The following PTPRM variants were observed in gnomAD, a reference collection of about 807,000 sequenced individuals.
PTPRM encodes protein tyrosine phosphatase receptor type M, also known as receptor-type tyrosine-protein phosphatase mu.
PTPRM carries 47 observed loss-of-function variants against 186.7 expected under a neutral mutation model. The ratio of observed to expected loss-of-function variants is 0.25; its 90% CI spans 0.20 to 0.32. PTPRM has a LOEUF of 0.32. Among genes scored for constraint, PTPRM ranks in the 10% least tolerant of loss-of-function variants. The probability of loss-of-function intolerance (pLI) is 1.00; values close to 1 mark genes in which losing one functional copy is unlikely to be tolerated. For synonymous variants in PTPRM, 668 were observed against 674.9 expected (o/e 0.99, Z 0.16); for missense variants, 1,494 against 1,865.0 (o/e 0.80, Z 3.66).
intron 20 of PTPRM, among the ~76,000 whole-genome samples, chr18:8,314,546 C>CGTCAATGA (rs1568729077): frequency 6.6e-6 from 1 of 152,060 alleles, no homozygotes; most frequent in Non-Finnish European, 1.5e-5. Flanking sequence ...GCTTTAGGCC[C>CGTCAATGA]GTCAATGATC....
intron 19 of PTPRM, among the ~76,000 whole-genome samples, chr18:8,294,657 T>G (rs56674649): frequency 0.038 from 5,806 of 152,274 alleles, 159 homozygotes; most frequent in East Asian, 0.067. Flanking sequence ...ATACAGCTGT[T>G]CATATATAGC....
At chr18:8,173,247 T>C (rs1446436056) in intron 14 of PTPRM, among the ~76,000 whole-genome samples, 1 of 152,184 alleles carries the variant, frequency 6.6e-6, no homozygotes, top group Non-Finnish European at 1.5e-5. Context: ...GTTGGAAGAA[T>C]TTGGCAAGAA....
intron 13 of PTPRM, among the ~76,000 whole-genome samples, chr18:8,136,082 A>G (rs1168337493): frequency 2.6e-4 from 40 of 152,212 alleles, no homozygotes; most frequent in Admixed American, 2.6e-3. Context: ...TTTGAGAGAC[A>G]GTAGGTTTCC....
At chr18:7,869,044 C>T (rs1265802295) in intron 2 of PTPRM, among the ~76,000 whole-genome samples, 1 of 152,166 alleles carries the variant, frequency 6.6e-6, no homozygotes, top group African/African-American at 2.4e-5. Flanking sequence ...AGACACCCCT[C>T]GCCCAGCAAG....
chr18:7,742,982 A>T lies in PTPRM; in HGVS notation c.74-31167A>T, dbSNP rs140171604. Among the ~76,000 whole-genome samples, 1,391 of 152,356 alleles carry T rather than the reference A, an allele frequency of 9.1e-3. 11 individuals carry two copies. Among genetic ancestry groups the T allele is most frequent in the Admixed American group, 0.02 (305 of 15,306 alleles). ...TGCTTTATCTGATTTAATTTTCATA[A>T]CAATGCTGTGAAAGAAGCAATCATA... On this transcript the variant is annotated intron_variant, in intron 1 of 32. Coordinates refer to ENST00000580170, the MANE Select transcript of PTPRM (RefSeq NM_001105244.2).
intron 1 of PTPRM, among the ~76,000 whole-genome samples, chr18:7,654,803 G>C (rs1333003993): frequency 2.0e-5 from 3 of 152,082 alleles, no homozygotes; most frequent in Non-Finnish European, 2.9e-5. Flanking sequence ...TGTTCCATTG[G>C]TATATGTGTC....
chr18:7,710,809 A>G (rs2040196368), intron 1 of PTPRM, among the ~76,000 whole-genome samples: 1 of 150,088 alleles, frequency 6.7e-6, no homozygotes, highest in Non-Finnish European at 1.5e-5. Flanking sequence ...GCTACCAATA[A>G]AGTAAAATAA....
intron 14 of PTPRM, among the ~76,000 whole-genome samples, chr18:8,187,360 A>G (rs944565950): frequency 2.0e-5 from 3 of 152,184 alleles, no homozygotes; most frequent in Non-Finnish European, 2.9e-5. Flanking sequence ...AATATGGTGC[A>G]TCTAGGGGCT....
At chr18:7,709,407 C>T (rs1042829434) in intron 1 of PTPRM, among the ~76,000 whole-genome samples, 33 of 152,046 alleles carry the variant, frequency 2.2e-4, no homozygotes, top group East Asian at 9.6e-4. Context: ...ACAGCAAAAG[C>T]GGTGCTAAGA....
chr18:7,983,885 A>G lies in PTPRM; in HGVS notation c.1132+28471A>G, dbSNP rs184277203. On this transcript the variant is annotated intron_variant, in intron 7 of 32. Transcript: ENST00000580170. Reference sequence around the variant, plus strand: ...TAACAAAGCTGTCAATAAAAACCCCACTTCCACTCAATATTTAATGCTAAA... The same window carrying G: ...TAACAAAGCTGTCAATAAAAACCCCGCTTCCACTCAATATTTAATGCTAAA... Among the ~76,000 whole-genome samples, 373 of 152,248 alleles carry G rather than the reference A, an allele frequency of 2.4e-3. 3 individuals carry two copies. Among genetic ancestry groups the G allele is most frequent in the African/African-American group, 8.5e-3 (353 of 41,540 alleles).
intron 13 of PTPRM, among the ~76,000 whole-genome samples, chr18:8,142,043 T>C (rs754120148): frequency 1.3e-5 from 2 of 152,224 alleles, no homozygotes; most frequent in Non-Finnish European, 1.5e-5. Context: ...CAATAGAATA[T>C]TGGAGTGGTG....
intron 14 of PTPRM, among the ~76,000 whole-genome samples, chr18:8,159,491 G>A (rs508169): frequency 0.99 from 151,086 of 152,358 alleles, 74,917 homozygotes; most frequent in Middle Eastern, 1. Flanking sequence ...TGACAAAACT[G>A]TAGTCCATGT....
chr18:8,232,416 A>G lies in PTPRM; in HGVS notation c.2301-11642A>G, dbSNP rs576945238. Among the ~76,000 whole-genome samples the G allele has an allele frequency of 1.2e-4, 19 of 152,332 alleles. No homozygotes were observed. The East Asian group carries it at 3.3e-3, about 26-fold the overall frequency. ...TGGATAAAGCTATATGAACATCTCT[A>G]TGGAGGTTTTGTGTGAGCATAAGTT... On this transcript the variant is annotated intron_variant, in intron 14 of 32. Coordinates refer to ENST00000580170, the MANE Select transcript of PTPRM (RefSeq NM_001105244.2).
chr18:7,850,612 C>T (rs17473530), intron 2 of PTPRM, among the ~76,000 whole-genome samples: 2 of 152,100 alleles, frequency 1.3e-5, no homozygotes, highest in African/African-American at 4.8e-5. Flanking sequence ...ATTGGGACCT[C>T]AAAGGGTTTC....
intron 14 of PTPRM, among the ~76,000 whole-genome samples, chr18:8,212,812 T>G (rs1195447395): frequency 6.6e-6 from 1 of 152,184 alleles, no homozygotes. Context: ...TTTCTAAAAA[T>G]TTAACTAATG....
At chr18:7,603,711 C>T (rs2037462333) in intron 1 of PTPRM, among the ~76,000 whole-genome samples, 1 of 152,248 alleles carries the variant, frequency 6.6e-6, no homozygotes, top group Middle Eastern at 3.2e-3. Context: ...CTCCTGCTCT[C>T]CTGGTTCAGA....
chr18:7,840,690 ATGT>A (rs2046279330), intron 2 of PTPRM, among the ~76,000 whole-genome samples: 1 of 152,176 alleles, frequency 6.6e-6, no homozygotes, highest in Non-Finnish European at 1.5e-5. Flanking sequence ...AGCCTCTGTG[ATGT>A]TGTGTTTTGT....
chr18:7,820,773 G>C (rs147031538), intron 2 of PTPRM, among the ~76,000 whole-genome samples: 3 of 152,280 alleles, frequency 2.0e-5, no homozygotes, highest in Non-Finnish European at 4.4e-5. Context: ...CCTCTCTTTG[G>C]CTTCTCTCAT....
At chr18:7,953,174 G>T (rs941169170) in intron 6 of PTPRM, among the ~76,000 whole-genome samples, 1 of 152,130 alleles carries the variant, frequency 6.6e-6, no homozygotes, top group Admixed American at 6.5e-5. Flanking sequence ...ACATTCTCAG[G>T]AAACAAATGC....
Sources: gnomAD v4.1 joint callset for allele counts (sites outside exome capture counted in the v4.1 genomes callset) on GRCh38, gnomAD v4.1.1 for gene constraint, MANE v1.5 for transcripts, NCBI Gene and HGNC (gene_info 2026-07-23, HGNC 2026-07-21) for gene names.